HERC5: variants seen among roughly 807,000 people sequenced by gnomAD.
The protein encoded by HERC5 is HECT and RLD domain containing E3 ubiquitin protein ligase 5, also known as E3 ISG15--protein ligase HERC5.
A neutral mutation model predicts 119.6 loss-of-function variants in HERC5; 99 were observed. That is an observed-to-expected ratio of 0.83 (90% CI 0.70 to 0.98). The LOEUF (loss-of-function observed/expected upper bound fraction) is 0.98, where lower values mean the gene tolerates loss of function less well. Ranked by LOEUF, HERC5 falls within the 50% of genes least tolerant of loss-of-function variation. The probability of loss-of-function intolerance (pLI) is 0.00; values close to 1 mark genes in which losing one functional copy is unlikely to be tolerated. For synonymous variants in HERC5, 478 were observed against 445.9 expected, an observed-to-expected ratio of 1.07 and a Z score of -0.91; for missense variants, 1,267 against 1,241.3, an observed-to-expected ratio of 1.02 and a Z score of -0.31.
chr4:88,498,335 T>A (rs1417936466), intron 18 of HERC5, among the ~76,000 whole-genome samples: 1 of 152,148 alleles, frequency 6.6e-6, no homozygotes, highest in Non-Finnish European at 1.5e-5. Flanking sequence ...GGGGTGGGCT[T>A]TGCCCAGCAA....
In HERC5 at chr4:88,463,627, G is replaced by T. The variant is rs774181723; in HGVS notation, c.780+4G>T. The T allele has an allele frequency of 6.2e-7, 1 of 1,608,034 alleles. No individual in the cohort carries two copies. The highest frequency in any genetic ancestry group is 2.2e-5 in the East Asian group (1 of 44,858). On this transcript the variant is annotated splice_donor_region_variant and intron_variant, in intron 5 of 22. Coordinates refer to ENST00000264350, the MANE Select transcript of HERC5 (RefSeq NM_016323.4). Reference sequence around the variant, plus strand: ...TCACAGTGCCCTACTCACACAGGTGGGTGTACCCTTGTCTCTTTTTGGCTG... The same window carrying T: ...TCACAGTGCCCTACTCACACAGGTGTGTGTACCCTTGTCTCTTTTTGGCTG...
chr4:88,498,872 A>G (rs1246072879), intron 18 of HERC5, among the ~76,000 whole-genome samples: 1 of 152,212 alleles, frequency 6.6e-6, no homozygotes, highest in Non-Finnish European at 1.5e-5. Context: ...TACCTGGCCT[A>G]CCATTGTATT....
chr4:88,483,683 C>A (rs1298858618), intron 13 of HERC5, among the ~76,000 whole-genome samples: 1 of 151,940 alleles, frequency 6.6e-6, no homozygotes, highest in African/African-American at 2.4e-5. Context: ...CACATGCCAC[C>A]CCACTTGGCT....
Position 88,504,294 on chromosome 4 carries a change from A to G in HERC5, c.2645A>G (p.Glu882Gly). ...IFNDSVKAVY[E>G]EFRRGFYKMC... ...AACGACTCTGTAAAGGCGGTTTATG[A>G]AGAATTTCGGAGAGGATTTTATAAA... is the stretch of plus-strand genomic sequence containing the variant. Residue 882 changes from glutamate (E) to glycine (G), a missense_variant, in exon 21 of 23, where the codon GAA becomes GGA. Transcript: ENST00000264350. 1 of 1,613,056 alleles carries G rather than the reference A, an allele frequency of 6.2e-7. No individual in the cohort carries two copies. The highest frequency in any genetic ancestry group is 1.3e-5 in the African/African-American group (1 of 75,038).
intron 18 of HERC5, among the ~76,000 whole-genome samples, chr4:88,497,888 C>T (rs1741843089): frequency 6.6e-6 from 1 of 152,176 alleles, no homozygotes; most frequent in Non-Finnish European, 1.5e-5. Context: ...CCCTGAGTGC[C>T]AAGGCCTGGA....
intron 16 of HERC5, 141 bp from the exon 17 acceptor site, chr4:88,492,866 GATAAT>G (rs1741690071): frequency 1.7e-6 from 1 of 602,496 alleles, no homozygotes; most frequent in Non-Finnish European, 2.8e-6. Flanking sequence ...GATTAAATAT[GATAAT>G]ATAAGTAGGA....
intron 12 of HERC5, among the ~76,000 whole-genome samples, chr4:88,478,904 G>C (rs1229176440): frequency 6.6e-6 from 1 of 152,148 alleles, no homozygotes; most frequent in African/African-American, 2.4e-5. Flanking sequence ...GAGCCACCAT[G>C]CCTGGCCTAC....
At chr4:88,463,659 T>C in intron 5 of HERC5, 36 bp downstream of exon 5, 1 of 1,564,000 alleles carries the variant, frequency 6.4e-7, no homozygotes, top group Non-Finnish European at 8.8e-7. Flanking sequence ...GCTGTATTTT[T>C]AGAAGAACAG....
intron 14 of HERC5, among the ~76,000 whole-genome samples, chr4:88,486,647 C>T (rs186016836): frequency 1.3e-5 from 2 of 152,208 alleles, no homozygotes; most frequent in African/African-American, 2.4e-5. Flanking sequence ...GCAGTTGACC[C>T]GAAGTGTTTC....
intron 11 of HERC5, chr4:88,473,222 G>A (rs1023805216): frequency 6.6e-6 from 1 of 151,384 alleles, no homozygotes. Context: ...GTTGATATGG[G>A]GATACTACTT....
chr4:88,489,074 A>G, intron 15 of HERC5, 92 bp from the exon 16 acceptor site: 1 of 989,714 alleles, frequency 1.0e-6, no homozygotes, highest in South Asian at 1.6e-5. Flanking sequence ...CTGCACTTAT[A>G]AGCAGAACCA....
At chr4:88,470,535 G>C (rs1578046475) in intron 9 of HERC5, 79 bp from the exon 10 acceptor site, 11 of 741,360 alleles carry the variant, frequency 1.5e-5, no homozygotes, top group Non-Finnish European at 2.6e-5. Flanking sequence ...TATTTATCAT[G>C]TCTCATGCTG....
chr4:88,473,822 C>T (rs1740957190), intron 11 of HERC5: 1 of 152,194 alleles, frequency 6.6e-6, no homozygotes, highest in Non-Finnish European at 1.5e-5. Context: ...GGGATTGGAT[C>T]AGTTCATCAT....
chr4:88,462,159 A>G lies in HERC5; in HGVS notation c.491A>G (p.Gln164Arg). Residue 164 changes from glutamine (Q) to arginine (R), a missense_variant, in exon 4 of 23, where the codon CAG becomes CGG. By Grantham distance (43) the Gln-to-Arg change is conservative (BLOSUM62 1). Transcript: ENST00000264350. ...GGTGGTGAGCTTTTTGCCTGGGGACAGAACCTGCATGGGCAGCTTGGAGTT... is the reference window on the plus strand; with the variant it reads ...GGTGGTGAGCTTTTTGCCTGGGGACGGAACCTGCATGGGCAGCTTGGAGTT... ...SKGGELFAWG[Q>R]NLHGQLGVGR... The G allele has an allele frequency of 6.2e-7, 1 of 1,614,098 alleles. No individual in the cohort carries two copies. The highest frequency in any genetic ancestry group is 8.5e-7 in the Non-Finnish European group (1 of 1,180,000).
In HERC5 at chr4:88,459,474, G is replaced by A. The variant is rs565264565; in HGVS notation, c.389+4G>A. The A allele has an allele frequency of 6.5e-5, 98 of 1,517,768 alleles. 1 individual carries two copies. The South Asian group carries it at 1.2e-3, about 19-fold the overall frequency. 94.0% of individuals were successfully genotyped at this position (1,517,768 alleles called of 1,614,324 possible). A position where few individuals can be genotyped will look rare whatever the true frequency, so the allele number is the denominator to read the frequency against. ...ACTATAGCATGAAACATCTAAGGTA[G>A]GGAACTTTTTTCTTTTATTAAAAAT... is the stretch of plus-strand genomic sequence containing the variant. On this transcript the variant is annotated splice_donor_region_variant and intron_variant, in intron 2 of 22. Coordinates refer to ENST00000264350, the MANE Select transcript of HERC5 (RefSeq NM_016323.4).
intron 13 of HERC5, among the ~76,000 whole-genome samples, chr4:88,481,402 A>G (rs1391436837): frequency 1.3e-5 from 2 of 152,086 alleles, no homozygotes; most frequent in African/African-American, 2.4e-5. Flanking sequence ...TATTTTGGAT[A>G]CTACTCCTTT....
intron 18 of HERC5, among the ~76,000 whole-genome samples, chr4:88,495,641 CAGAA>C (rs144879231): frequency 0.019 from 2,816 of 152,120 alleles, 40 homozygotes; most frequent in Non-Finnish European, 0.026. Flanking sequence ...AACTAAAACA[CAGAA>C]AGATTAGGTA....
intron 7 of HERC5, 78 bp downstream of exon 7, chr4:88,467,282 A>G (rs988233208): frequency 2.0e-5 from 29 of 1,435,924 alleles, no homozygotes; most frequent in African/African-American, 5.7e-5. Context: ...TAATGTGGCA[A>G]AGAAAGCAAC....
At chr4:88,462,614 T>G (rs1295001184) in intron 4 of HERC5, among the ~76,000 whole-genome samples, 1 of 152,198 alleles carries the variant, frequency 6.6e-6, no homozygotes, top group Non-Finnish European at 1.5e-5. Context: ...TGGATTCTGA[T>G]TCCCACTTTG....
Sources: allele counts gnomAD v4.1 joint callset (sites outside exome capture counted in the v4.1 genomes callset), GRCh38; gene constraint gnomAD v4.1.1; transcripts MANE v1.5; gene names NCBI Gene and HGNC (gene_info 2026-07-23, HGNC 2026-07-21).